Variants in MAPRE2 observed in about 807,000 individuals in gnomAD.
The protein encoded by MAPRE2 is microtubule associated protein RP/EB family member 2, also known as microtubule-associated protein RP/EB family member 2.
A neutral mutation model predicts 43.2 loss-of-function variants in MAPRE2; 13 were observed. The ratio of observed to expected loss-of-function variants is 0.30; its 90% CI spans 0.20 to 0.48. The LOEUF (loss-of-function observed/expected upper bound fraction) is 0.48. MAPRE2 is among the 20% of genes least tolerant of loss of function. The pLI is 0.99. For synonymous variants in MAPRE2, 135 were observed against 148.8 expected (o/e 0.91, Z 0.68); for missense variants, 161 against 400.2 (o/e 0.40, Z 5.10).
chr18:35,122,488 G>C (rs1399411291), intron 4 of MAPRE2, among the ~76,000 whole-genome samples: 2 of 152,160 alleles, frequency 1.3e-5, no homozygotes, highest in African/African-American at 4.8e-5. Flanking sequence ...CCTGTTATCA[G>C]TTTTTCTCCG....
intron 1 of MAPRE2, among the ~76,000 whole-genome samples, chr18:34,998,821 C>T (rs1449359497): frequency 2.3e-5 from 3 of 128,518 alleles, no homozygotes; most frequent in African/African-American, 3.1e-5. Context: ...TCACTCCGGA[C>T]TTGGCCAAAA....
intron 1 of MAPRE2, among the ~76,000 whole-genome samples, chr18:35,049,324 C>T (rs1009354493): frequency 6.6e-5 from 10 of 152,176 alleles, no homozygotes; most frequent in Non-Finnish European, 1.0e-4. Flanking sequence ...CACTCCCTCA[C>T]GCCATCTACT....
intron 2 of MAPRE2, among the ~76,000 whole-genome samples, chr18:35,016,636 T>C (rs559389291): frequency 2.0e-5 from 3 of 152,044 alleles, no homozygotes; most frequent in East Asian, 1.9e-4. Flanking sequence ...TTTTTGCCTA[T>C]TTTTTGATGA....
At chr18:34,981,890 T>TA (rs1555909267) in intron 1 of MAPRE2, among the ~76,000 whole-genome samples, 18 of 140,210 alleles carry the variant, frequency 1.3e-4, no homozygotes, top group African/African-American at 4.5e-4. Context: ...TTTATTTATT[T>TA]TTTTTTTTTT....
chr18:35,079,267 C>T (rs1907518862), intron 2 of MAPRE2, among the ~76,000 whole-genome samples: 1 of 152,170 alleles, frequency 6.6e-6, no homozygotes, highest in South Asian at 2.1e-4. Flanking sequence ...GAGGAAATTA[C>T]AACATCTCCT....
chr18:35,040,334 A>G (rs1046882384), upstream of MAPRE2, among the ~76,000 whole-genome samples: 27 of 152,346 alleles, frequency 1.8e-4, 1 homozygote, highest in Middle Eastern at 3.4e-3. Context: ...TTATCTTTTC[A>G]CAACAGTCAT....
At position 35,141,983 on chromosome 18, in the gene MAPRE2, G is replaced by A. The variant is rs1378242011; in HGVS notation, c.*1614G>A. On this transcript the variant is annotated 3_prime_UTR_variant, in exon 7 of 7. Coordinates refer to ENST00000300249, the MANE Select transcript of MAPRE2 (RefSeq NM_014268.4). ...AGCAAAGTGATATTTATTGAGTTAT[G>A]TGGAAAAGATGGCTTGTATTTTTCA... is the stretch of plus-strand genomic sequence containing the variant. The A allele has an allele frequency of 1.3e-5, 2 of 152,234 alleles. No homozygotes were observed. The highest frequency in any genetic ancestry group is 2.9e-5 in the Non-Finnish European group (2 of 68,036). 9.4% of individuals were successfully genotyped at this position (152,234 alleles called of 1,614,324 possible).
At chr18:35,072,554 TA>T (rs1444682660) in intron 2 of MAPRE2, among the ~76,000 whole-genome samples, 2 of 152,188 alleles carry the variant, frequency 1.3e-5, no homozygotes, top group African/African-American at 4.8e-5. Context: ...GAGTTTTTGG[TA>T]GCAAATGAAA....
intron 2 of MAPRE2, among the ~76,000 whole-genome samples, chr18:35,088,715 A>G (rs529582148): frequency 5.3e-5 from 8 of 152,304 alleles, no homozygotes; most frequent in Middle Eastern, 3.4e-3. Context: ...CAGTTTGTTG[A>G]CATCTATTTT....
In MAPRE2 at chr18:34,985,075, ATAT is replaced by A. The variant is rs1288754692; in HGVS notation, c.-70+8000_-70+8002del. Among the ~76,000 whole-genome samples, 409 of 88,260 alleles carry A rather than the reference ATAT, an allele frequency of 4.6e-3. 3 individuals are homozygous for A. The highest frequency in any genetic ancestry group is 0.012 in the African/African-American group (244 of 20,528). The allele number at this position is 88,260 out of a possible 152,430, so 57.9% of individuals were successfully genotyped here. A position where few individuals can be genotyped will look rare whatever the true frequency, so the allele number is the denominator to read the frequency against. On this transcript the variant is annotated intron_variant, in intron 1 of 7. Coordinates refer to the MAPRE2 transcript ENST00000413393. ...TATTATATAATATATAAAATAAAAT[ATAT>A]TATAAAAATATATATTATATAATAT...
At chr18:35,000,788 A>G (rs962707545) in intron 1 of MAPRE2, among the ~76,000 whole-genome samples, 3 of 152,166 alleles carry the variant, frequency 2.0e-5, no homozygotes, top group African/African-American at 7.2e-5. Context: ...CTAAAGAATA[A>G]AAGTCAGTAT....
chr18:35,104,049 CA>C (rs1425407733), intron 4 of MAPRE2, among the ~76,000 whole-genome samples: 1 of 151,796 alleles, frequency 6.6e-6, no homozygotes, highest in African/African-American at 2.4e-5. Flanking sequence ...GAGGAAGCTG[CA>C]AAAAAGATGA....
At chr18:35,032,593 AGGG>A (rs1226487717) in intron 2 of MAPRE2, among the ~76,000 whole-genome samples, 2 of 152,180 alleles carry the variant, frequency 1.3e-5, no homozygotes, top group African/African-American at 4.8e-5. Context: ...GCTATAAGCT[AGGG>A]ACTCGAAATT....
At chr18:35,027,402 G>A (rs1332745227) in intron 2 of MAPRE2, among the ~76,000 whole-genome samples, 6 of 152,142 alleles carry the variant, frequency 3.9e-5, no homozygotes, top group Admixed American at 1.3e-4. Flanking sequence ...ATGCTGTGAG[G>A]AGCCCAGGCC....
At chr18:35,126,889 G>T in intron 4 of MAPRE2, 59 bp from the exon 5 acceptor site, 1 of 1,456,976 alleles carries the variant, frequency 6.9e-7, no homozygotes, top group Non-Finnish European at 9.5e-7. Context: ...CATTTTCTAT[G>T]TATCTAAAAC....
chr18:35,132,201 G>A lies in MAPRE2; in HGVS notation c.909+11G>A, dbSNP rs767669924. ...GCTTCAGAAGAACACGTAAGTGTGA[G>A]GAGCATGTGACTCCTGTGTTCTAAA... On this transcript the variant is annotated intron_variant, in intron 6 of 6. Transcript: ENST00000300249. 9.9e-6 allele frequency: 16 copies of A among 1,613,242 alleles called. No individual in the cohort carries two copies. In the East Asian group the frequency reaches 3.6e-4, roughly 36 times the overall value.
At chr18:35,114,077 G>C (rs1301870667) in intron 4 of MAPRE2, among the ~76,000 whole-genome samples, 1 of 152,156 alleles carries the variant, frequency 6.6e-6, no homozygotes, top group Non-Finnish European at 1.5e-5. Flanking sequence ...TAACTTGCCA[G>C]GGTCACACAC....
chr18:35,046,585 G>T (rs1905632807), intron 1 of MAPRE2, among the ~76,000 whole-genome samples: 1 of 152,200 alleles, frequency 6.6e-6, no homozygotes, highest in Admixed American at 6.5e-5. Context: ...AGAAGCTACT[G>T]AAAGTTTATT....
chr18:35,046,234 C>T (rs1000894504), intron 1 of MAPRE2, among the ~76,000 whole-genome samples: 3 of 152,200 alleles, frequency 2.0e-5, no homozygotes, highest in Admixed American at 2.0e-4. Flanking sequence ...TGGCCAAGGT[C>T]TGTGCTAGAT....
Sources: allele counts gnomAD v4.1 joint callset (sites outside exome capture counted in the v4.1 genomes callset), GRCh38; gene constraint gnomAD v4.1.1; transcripts MANE v1.5; gene names NCBI Gene and HGNC (gene_info 2026-07-23, HGNC 2026-07-21).